Variants in RNF38 observed in about 807,000 individuals in gnomAD.
RNF38 encodes the protein ring finger protein 38.
In RNF38, 15 loss-of-function variants were observed where a neutral mutation model predicts 67.2. That is an observed-to-expected ratio of 0.22 (90% confidence interval 0.15 to 0.34). RNF38 has a LOEUF of 0.34. Ranked by LOEUF, RNF38 falls within the 10% of genes least tolerant of loss-of-function variation. RNF38 has a pLI of 1.00. For synonymous variants in RNF38, 220 were observed against 218.8 expected (o/e 1.01, Z -0.05); for missense variants, 524 against 639.9 (o/e 0.82, Z 1.95).
intron 1 of RNF38, among the ~76,000 whole-genome samples, chr9:36,432,022 T>C (rs1838943622): frequency 6.6e-6 from 1 of 152,230 alleles, no homozygotes; most frequent in Admixed American, 6.5e-5. Flanking sequence ...AGAACAAATA[T>C]GTATTTTTTA....
intron 3 of RNF38, chr9:36,372,491 C>T (rs1397135064): frequency 1.4e-6 from 1 of 703,488 alleles, no homozygotes; most frequent in Non-Finnish European, 2.6e-6. Flanking sequence ...TAGCTTTGTG[C>T]TCACCTCTGT....
chr9:36,363,980 A>G (rs4878653), intron 4 of RNF38, among the ~76,000 whole-genome samples: 78,993 of 87,710 alleles, frequency 0.9, 37,795 homozygotes, highest in East Asian at 1. Flanking sequence ...ATAGGCACCC[A>G]CCACCACGTC....
At chr9:36,376,352 T>G (rs2133857060) in intron 2 of RNF38, among the ~76,000 whole-genome samples, 3 of 152,292 alleles carry the variant, frequency 2.0e-5, no homozygotes, top group Admixed American at 2.0e-4. Context: ...AAAATAAGCT[T>G]TGTTTTTAAA....
chr9:36,401,014 C>T (rs1386100195), upstream of RNF38: 1 of 984,550 alleles, frequency 1.0e-6, no homozygotes, highest in African/African-American at 1.8e-5. Context: ...CGACTCCCCT[C>T]GCCGCTAGGC....
intron 2 of RNF38, among the ~76,000 whole-genome samples, chr9:36,380,302 C>T (rs990636606): frequency 6.6e-6 from 1 of 151,844 alleles, no homozygotes; most frequent in Admixed American, 6.6e-5. Flanking sequence ...TGGGTTCAAG[C>T]GATTCTCCTG....
intron 1 of RNF38, among the ~76,000 whole-genome samples, chr9:36,477,131 G>A (rs1224609435): frequency 1.3e-5 from 2 of 151,542 alleles, no homozygotes; most frequent in Admixed American, 6.6e-5. Context: ...AGACCAGCCT[G>A]GTCAAGATGG....
chr9:36,420,299 G>A (rs560158807), intron 2 of RNF38, among the ~76,000 whole-genome samples: 11 of 152,094 alleles, frequency 7.2e-5, no homozygotes, highest in South Asian at 4.2e-4. Flanking sequence ...TTGGGAGGCC[G>A]AGGCGGGTGG....
intron 1 of RNF38, among the ~76,000 whole-genome samples, chr9:36,455,706 T>C (rs2134353942): frequency 6.9e-6 from 1 of 143,994 alleles, no homozygotes; most frequent in African/African-American, 2.6e-5. Flanking sequence ...GGGCAGAGGT[T>C]GCAGTGAGCC....
intron 1 of RNF38, among the ~76,000 whole-genome samples, chr9:36,451,495 T>TGTTTTTTTGTTTG (rs200710471): frequency 2.5e-4 from 34 of 133,688 alleles, no homozygotes; most frequent in Middle Eastern, 3.6e-3. Flanking sequence ...GTAGTAGTTT[T>TGTTTTTTTGTTTG]TTTTTTTTTT....
Position 36,339,698 on chromosome 9 carries a change from C to T in RNF38, c.*54G>A, listed in dbSNP as rs1832701264. The T allele has an allele frequency of 1.4e-5, 20 of 1,388,796 alleles. No homozygotes were observed. Among genetic ancestry groups the T allele is most frequent in the East Asian group, 2.3e-5 (1 of 42,632 alleles). 86.0% of individuals were successfully genotyped at this position (1,388,796 alleles called of 1,614,324 possible). On this transcript the variant is annotated 3_prime_UTR_variant, in exon 12 of 12. Transcript: ENST00000259605. ...CACAGATTAAGTTCAATGGATAGTC[C>T]GTATATACATGTGATGAGGAACACC...
At position 36,376,091 on chromosome 9, in the gene RNF38, A is replaced by T; in HGVS notation, c.199T>A (p.Ser67Thr). The T allele has an allele frequency of 6.2e-7, 1 of 1,608,070 alleles. No individual in the cohort carries two copies. The highest frequency in any genetic ancestry group is 8.5e-7 in the Non-Finnish European group (1 of 1,178,040). ...DSPSPKRQRLSHSVFDYTSAS... is the reference protein window; with the variant it reads ...DSPSPKRQRLTHSVFDYTSAS... ...GATGTATAATCAAAGACTGAATGAG[A>T]GAGGCGCTGTCTCTTAGGACTTGGA... Residue 67 changes from serine (S) to threonine (T), a missense_variant, in exon 3 of 12, where the codon TCT becomes ACT. By Grantham distance (58) the Ser-to-Thr change is moderately conservative. Around this residue, in one of 2 missense-constraint regions of RNF38, gnomAD observed 461 missense variants for 517.4 expected, o/e 0.89. Transcript: ENST00000259605.
intron 2 of RNF38, among the ~76,000 whole-genome samples, chr9:36,423,195 G>A (rs908363705): frequency 5.9e-5 from 9 of 152,240 alleles, no homozygotes; most frequent in African/African-American, 2.2e-4. Context: ...TCTTTCAGTG[G>A]CTTGCCTTTG....
chr9:36,476,268 G>A (rs1218060468), intron 1 of RNF38, among the ~76,000 whole-genome samples: 5 of 151,802 alleles, frequency 3.3e-5, no homozygotes, highest in African/African-American at 7.3e-5. Flanking sequence ...ACAGGCACCC[G>A]CCATCATGCC....
Position 36,442,113 on chromosome 9 carries a change from A to G in RNF38, n.242-17430T>C, listed in dbSNP as rs185825893. Among the ~76,000 whole-genome samples, 11 of 152,178 alleles carry G rather than the reference A, an allele frequency of 7.2e-5. No homozygotes were observed. In the South Asian group the frequency reaches 2.3e-3, roughly 32 times the overall value. ...TCAAATCTGTCCATCAGGCATTCCA[A>G]TCTTCCTAATCTCATCACTACCAAC... On this transcript the variant is annotated intron_variant and non_coding_transcript_variant, in intron 1 of 3. Transcript: ENST00000488058.
chr9:36,363,866 T>C (rs1198880263), intron 4 of RNF38, among the ~76,000 whole-genome samples: 1 of 92,696 alleles, frequency 1.1e-5, no homozygotes, highest in African/African-American at 3.2e-5. Flanking sequence ...GGTCTACTTA[T>C]ATGCAGATTT....
At chr9:36,386,227 T>G (rs1306393735) in intron 2 of RNF38, among the ~76,000 whole-genome samples, 1 of 152,172 alleles carries the variant, frequency 6.6e-6, no homozygotes, top group African/African-American at 2.4e-5. Context: ...CTAATAGGAT[T>G]TGCTATCTCT....
chr9:36,475,735 T>C (rs1587209166), intron 1 of RNF38, among the ~76,000 whole-genome samples: 1 of 148,030 alleles, frequency 6.8e-6, no homozygotes, highest in Non-Finnish European at 1.5e-5. Flanking sequence ...AAATATAAAC[T>C]AGCCGGGTGC....
intron 8 of RNF38, 51 bp from the exon 9 acceptor site, chr9:36,351,250 A>G (rs749904805): frequency 7.8e-7 from 1 of 1,288,240 alleles, no homozygotes; most frequent in Non-Finnish European, 1.1e-6. Context: ...CATTAAATCA[A>G]TGAACAGGAC....
intron 2 of RNF38, among the ~76,000 whole-genome samples, chr9:36,411,575 T>C (rs964371611): frequency 1.3e-5 from 2 of 152,188 alleles, no homozygotes; most frequent in African/African-American, 4.8e-5. Flanking sequence ...ACATTTTTTT[T>C]CCTTGAGACA....
Sources: allele counts gnomAD v4.1 joint callset (sites outside exome capture counted in the v4.1 genomes callset), GRCh38; gene constraint gnomAD v4.1.1; regional missense constraint gnomAD v4.1.1; transcripts MANE v1.5; gene names NCBI Gene and HGNC (gene_info 2026-07-23, HGNC 2026-07-21).